AKAP12: variants seen among roughly 807,000 people sequenced by gnomAD.
The protein encoded by AKAP12 is A-kinase anchoring protein 12.
A neutral mutation model predicts 79.9 loss-of-function variants in AKAP12; 32 were observed. That is an observed-to-expected ratio of 0.40 (90% confidence interval 0.30 to 0.54). The LOEUF is 0.54. Ranked by LOEUF, AKAP12 falls within the 20% of genes least tolerant of loss-of-function variation. The pLI is 0.48. For synonymous variants in AKAP12, 808 were observed against 857.0 expected, an observed-to-expected ratio of 0.94 and a Z score of 1.00; for missense variants, 2,074 against 2,177.0, an observed-to-expected ratio of 0.95 and a Z score of 0.94.
chr6:151,314,283 C>T (rs1019810482), intron 3 of AKAP12, among the ~76,000 whole-genome samples: 1 of 152,168 alleles, frequency 6.6e-6, no homozygotes, highest in East Asian at 1.9e-4. Context: ...CCACTTCAGC[C>T]TCCCAAGTGC....
chr6:151,268,891 G>A (rs1582845000), intron 2 of AKAP12, among the ~76,000 whole-genome samples: 1 of 143,916 alleles, frequency 6.9e-6, no homozygotes, highest in Admixed American at 7.0e-5. Context: ...CGATCCACCC[G>A]CCTTGGCTTC....
chr6:151,328,327 C>CA (rs10686442), intron 3 of AKAP12, among the ~76,000 whole-genome samples: 11,681 of 104,978 alleles, frequency 0.11, 696 homozygotes, highest in East Asian at 0.23. Context: ...GACTCCATCT[C>CA]AAAAAAAAAA....
rs1371692091 is a variant in AKAP12 at position 151,351,711 on chromosome 6, C to T, written c.3320C>T (p.Thr1107Ile). ...DAQEAKTEPF[T>I]QGKVVGQTTP... The stretch of plus-strand genomic sequence containing the variant: ...CAGGAGGCAAAAACTGAGCCTTTTA[C>T]ACAAGGGAAGGTGGTGGGGCAGACC... The change falls in exon 4 of 5, where the codon ACA (threonine) becomes ATA (isoleucine). Residue 1107 changes from threonine (T) to isoleucine (I), a missense_variant. Around this residue, in one of 3 missense-constraint regions of AKAP12, gnomAD observed 1,428 missense variants for 1,451.0 expected, o/e 0.98. Transcript: ENST00000402676. This position sits in a 1 kb window ranked among gnomAD's most constrained non-coding sequence, Gnocchi z 4.4. 3.7e-6 allele frequency: 6 copies of T among 1,614,144 alleles called. No individual in the cohort carries two copies. In the African/African-American group the frequency reaches 5.3e-5, roughly 14 times the overall value.
rs749863640 is a variant in AKAP12 at position 151,333,220 on chromosome 6, C to G, written c.320-15491C>G. ...TGGATTCCACTGTGCCAGGCCTGCA[C>G]GGGTTAGCACTGGCTGCCTGTCCTG... On this transcript the variant is annotated intron_variant, in intron 3 of 4. Transcript: ENST00000402676. Among the ~76,000 whole-genome samples, 3 of 152,168 alleles carry G rather than the reference C, an allele frequency of 2.0e-5. No homozygotes were observed. In the East Asian group the frequency reaches 5.8e-4, roughly 29 times the overall value.
At chr6:151,248,608 G>C (rs1243034717) in intron 2 of AKAP12, among the ~76,000 whole-genome samples, 1 of 152,194 alleles carries the variant, frequency 6.6e-6, no homozygotes, top group Non-Finnish European at 1.5e-5. Flanking sequence ...TGATGAAAGA[G>C]TAGCATTTTC....
At chr6:151,336,050 A>G (rs1777805708) in intron 3 of AKAP12, among the ~76,000 whole-genome samples, 1 of 152,196 alleles carries the variant, frequency 6.6e-6, no homozygotes, top group South Asian at 2.1e-4. Flanking sequence ...TATTTTACTT[A>G]GGATAATGGC....
intron 2 of AKAP12, among the ~76,000 whole-genome samples, chr6:151,299,886 C>G (rs540074777): frequency 6.6e-6 from 1 of 152,208 alleles, no homozygotes; most frequent in African/African-American, 2.4e-5. Context: ...GCCTCAGCCT[C>G]CCAAAGTGCT....
At chr6:151,262,416 A>G (rs1224364551) in intron 2 of AKAP12, among the ~76,000 whole-genome samples, 3 of 152,228 alleles carry the variant, frequency 2.0e-5, no homozygotes, top group Non-Finnish European at 4.4e-5. Context: ...AAATGTCTAC[A>G]TAATGCAGTC....
chr6:151,352,005 A>C lies in AKAP12; in HGVS notation c.3614A>C (p.Gln1205Pro), dbSNP rs1778307156. ...HEENEVASGT[Q>P]SGGTEAEAVP... Reference sequence around the variant, plus strand: ...GAGAATGAGGTCGCATCTGGTACCCAGTCAGGGGGCACAGAAGCAGAGGCA... The same window carrying C: ...GAGAATGAGGTCGCATCTGGTACCCCGTCAGGGGGCACAGAAGCAGAGGCA... The change falls in exon 4 of 5, where the codon CAG becomes CCG. Residue 1205 changes from glutamine to proline, a missense_variant. Around this residue, in one of 3 missense-constraint regions of AKAP12, gnomAD observed 32 missense variants for 60.4 expected, o/e 0.53. Coordinates refer to ENST00000402676, the MANE Select transcript of AKAP12 (RefSeq NM_005100.4). 6.2e-7 allele frequency: 1 copy of C among 1,614,108 alleles called. No homozygotes were observed. The highest frequency in any genetic ancestry group is 2.2e-5 in the East Asian group (1 of 44,860).
At chr6:151,308,924 G>T (rs1386692394) in intron 3 of AKAP12, among the ~76,000 whole-genome samples, 1 of 152,148 alleles carries the variant, frequency 6.6e-6, no homozygotes, top group Non-Finnish European at 1.5e-5. Context: ...ACCCAAGCTG[G>T]AGTACAGTGG....
Position 151,350,420 on chromosome 6 carries a change from G to A in AKAP12, c.2029G>A (p.Val677Ile). Residue 677 changes from valine (V) to isoleucine (I), a missense_variant, in exon 4 of 5, where the codon GTA becomes ATA. Around this residue, in one of 3 missense-constraint regions of AKAP12, gnomAD observed 1,428 missense variants for 1,451.0 expected, o/e 0.98. Coordinates refer to ENST00000402676, the MANE Select transcript of AKAP12 (RefSeq NM_005100.4). This position sits in a 1 kb window ranked among gnomAD's most constrained non-coding sequence, Gnocchi z 4.8. ...EEPKRKVDTSVSWEALICVGS... is the reference protein window; with the variant it reads ...EEPKRKVDTSISWEALICVGS... ...ACCAAAGCGCAAGGTGGATACCTCAGTATCTTGGGAAGCTTTAATTTGTGT... is the reference window on the plus strand; with the variant it reads ...ACCAAAGCGCAAGGTGGATACCTCAATATCTTGGGAAGCTTTAATTTGTGT... The A allele has an allele frequency of 6.2e-7, 1 of 1,614,076 alleles. No homozygotes were observed. Among genetic ancestry groups the A allele is most frequent in the Non-Finnish European group, 8.5e-7 (1 of 1,180,032 alleles).
chr6:151,304,488 C>CAAAAAAAAAAAAAAA lies in AKAP12; in HGVS notation c.163-1242_163-1228dup, dbSNP rs1157088954. Among the ~76,000 whole-genome samples the CAAAAAAAAAAAAAAA allele has an allele frequency of 6.2e-3, 284 of 45,978 alleles. 48 individuals carry two copies. Among genetic ancestry groups the CAAAAAAAAAAAAAAA allele is most frequent in the Middle Eastern group, 0.043 (2 of 46 alleles). The allele number at this position is 45,978 out of a possible 152,430, so 30.2% of individuals were successfully genotyped here. A position where few individuals can be genotyped will look rare whatever the true frequency, so the allele number is the denominator to read the frequency against. The stretch of plus-strand genomic sequence containing the variant: ...TGGGTGAAACAGTGACACTCCATCT[C>CAAAAAAAAAAAAAAA]AAAAAAAAAAAAAAAAAAAAAAAAA... On this transcript the variant is annotated intron_variant, in intron 2 of 4. Coordinates refer to ENST00000402676, the MANE Select transcript of AKAP12 (RefSeq NM_005100.4).
chr6:151,302,950 C>G (rs1441578603), intron 2 of AKAP12, among the ~76,000 whole-genome samples: 3 of 151,930 alleles, frequency 2.0e-5, no homozygotes, highest in Admixed American at 2.0e-4. Flanking sequence ...AATCCCAGCA[C>G]TTTGGGAGGC....
At chr6:151,306,063 C>A (rs1416921234) in intron 3 of AKAP12, among the ~76,000 whole-genome samples, 160 bp downstream of exon 3, 1 of 152,160 alleles carries the variant, frequency 6.6e-6, no homozygotes, top group Non-Finnish European at 1.5e-5. Flanking sequence ...CATTTGGATA[C>A]CCCCTATACT....
chr6:151,286,643 A>G (rs1053084268), intron 2 of AKAP12, among the ~76,000 whole-genome samples: 5 of 152,234 alleles, frequency 3.3e-5, no homozygotes, highest in Non-Finnish European at 5.9e-5. Context: ...TGGTTAAGGA[A>G]TGAATCCTTT....
At chr6:151,311,948 C>T (rs896382793) in intron 3 of AKAP12, among the ~76,000 whole-genome samples, 3 of 152,210 alleles carry the variant, frequency 2.0e-5, no homozygotes, top group African/African-American at 4.8e-5. Context: ...ATGACTCCCC[C>T]ACCCCATACC....
intron 2 of AKAP12, among the ~76,000 whole-genome samples, chr6:151,269,213 C>T (rs540088712): frequency 5.3e-5 from 8 of 151,610 alleles, no homozygotes; most frequent in Admixed American, 3.9e-4. Flanking sequence ...CAGCTGTAGC[C>T]CATTAGTAAC....
rs77910268 is a variant in AKAP12 at position 151,334,283 on chromosome 6, C to G, written c.320-14428C>G. ...TAAAAAATAGGCACAATGTCACATT[C>G]AGCTTCACAAGATTTGAAAGTGCAT... On this transcript the variant is annotated intron_variant, in intron 3 of 4. Coordinates refer to ENST00000402676, the MANE Select transcript of AKAP12 (RefSeq NM_005100.4). Among the ~76,000 whole-genome samples the G allele has an allele frequency of 5.7e-3, 873 of 152,250 alleles. 8 individuals are homozygous for G. The highest frequency in any genetic ancestry group is 0.019 in the African/African-American group (790 of 41,552).
chr6:151,254,366 G>T (rs56074751), intron 2 of AKAP12, among the ~76,000 whole-genome samples: 106,957 of 151,280 alleles, frequency 0.71, 38,300 homozygotes, highest in East Asian at 0.99. Context: ...AGTCTTTTTT[G>T]TTTGAGACGG....
Sources: gnomAD v4.1 joint callset for allele counts (sites outside exome capture counted in the v4.1 genomes callset) on GRCh38, gnomAD v4.1.1 for gene constraint, gnomAD v4.1.1 regional missense constraint, Gnocchi (gnomAD v3.1) non-coding constraint, MANE v1.5 for transcripts, NCBI Gene and HGNC (gene_info 2026-07-23, HGNC 2026-07-21) for gene names.